Variants in ANKRD36B observed in about 807,000 individuals in gnomAD.
The protein encoded by ANKRD36B is ankyrin repeat domain 36B.
A neutral mutation model predicts 135.7 loss-of-function variants in ANKRD36B; 37 were observed. That is an observed-to-expected ratio of 0.27 (90% confidence interval 0.21 to 0.36). The LOEUF (loss-of-function observed/expected upper bound fraction) is 0.36. Among genes scored for constraint, ANKRD36B ranks in the 10% least tolerant of loss-of-function variants. The probability of loss-of-function intolerance (pLI) is 1.00; values close to 1 mark genes in which losing one functional copy is unlikely to be tolerated. For missense variants in ANKRD36B, 549 were observed against 1,037.1 expected (o/e 0.53, Z 6.46); for synonymous variants, 179 against 348.1 (o/e 0.51, Z 5.41).
At position 97,556,966 on chromosome 2, in the gene ANKRD36B, C is replaced by G; in HGVS notation, c.1040G>C (p.Arg347Thr). The G allele has an allele frequency of 6.3e-7, 1 of 1,590,262 alleles. No individual in the cohort carries two copies. The highest frequency in any genetic ancestry group is 8.6e-7 in the Non-Finnish European group (1 of 1,168,538). Residue 347 changes from arginine to threonine, a missense_variant, in exon 12 of 44, where the codon AGA (arginine) becomes ACA (threonine). Transcript: ENST00000359901. ...KKVSLLNIATRIMGGGKSGTV... is the reference protein window; with the variant it reads ...KKVSLLNIATTIMGGGKSGTV... ...TCCAGATTTCCCACCGCCCATTATTCTTGTGGCAATATTCAAAAGAGAAAC... is the reference window on the plus strand; with the variant it reads ...TCCAGATTTCCCACCGCCCATTATTGTTGTGGCAATATTCAAAAGAGAAAC...
At chr2:97,582,879 T>C (rs2082717572) in intron 3 of ANKRD36B, among the ~76,000 whole-genome samples, 1 of 152,098 alleles carries the variant, frequency 6.6e-6, no homozygotes, top group Non-Finnish European at 1.5e-5. Context: ...TGTTTAATTT[T>C]CCCAGATTGT....
In ANKRD36B at chr2:97,553,263, T is replaced by TAATA. The variant is rs754821531; in HGVS notation, c.1201-27_1201-24dup. The TAATA allele has an allele frequency of 5.9e-4, 946 of 1,598,846 alleles. 16 individuals are homozygous for TAATA. In the East Asian group the frequency reaches 0.013, roughly 22 times the overall value. ...AGCCTGAATGGAATTTGAAAGAAAA[T>TAATA]AATAAATAAATAAATAAATGAAGTA... On this transcript the variant is annotated intron_variant, in intron 15 of 43. Coordinates refer to ENST00000359901, the MANE Select transcript of ANKRD36B (RefSeq NM_001393939.1).
At position 97,547,539 on chromosome 2, in the gene ANKRD36B, T is replaced by C. The variant is rs755804433; in HGVS notation, c.1576A>G (p.Arg526Gly). Residue 526 changes from arginine to glycine, a missense_variant, in exon 22 of 44, where the codon AGA becomes GGA. By Grantham distance (125) the Arg-to-Gly change is moderately radical. Transcript: ENST00000359901. ...TTAAATCTCTTTTCAAAATTACCTC[T>C]CCTAGTTTTTTCTCCATCTTTTTTT... ...RGKKDGEKTRRVSSHKQPSLK... is the reference protein window; with the variant it reads ...RGKKDGEKTRGVSSHKQPSLK... 84 of 1,539,772 alleles carry C rather than the reference T, an allele frequency of 5.5e-5. 1 individual carries two copies. Among genetic ancestry groups the C allele is most frequent in the Non-Finnish European group, 7.3e-5 (82 of 1,126,944 alleles).
chr2:97,588,109 C>T (rs62152977), intron 1 of ANKRD36B, among the ~76,000 whole-genome samples: 86,008 of 150,666 alleles, frequency 0.57, 25,858 homozygotes, highest in Non-Finnish European at 0.67. Flanking sequence ...TATAAACATG[C>T]ATCAATATAA....
chr2:97,551,034 A>C (rs2080005816), intron 18 of ANKRD36B, among the ~76,000 whole-genome samples: 1 of 151,888 alleles, frequency 6.6e-6, no homozygotes, highest in Non-Finnish European at 1.5e-5. Context: ...GCTGTGCCCC[A>C]GAGCCCCTTA....
rs760771087 is a variant in ANKRD36B, at chr2:97,551,437, TG to T, written c.1302+14del. On this transcript the variant is annotated intron_variant, in intron 17 of 43. Coordinates refer to ENST00000359901, the MANE Select transcript of ANKRD36B (RefSeq NM_001393939.1). Reference sequence around the variant, plus strand: ...TACGTTTACTAGCTCACAATATAAATGAGAGTTTCATTACCTTCAAGGCTGG... The same window carrying T: ...TACGTTTACTAGCTCACAATATAAATAGAGTTTCATTACCTTCAAGGCTGG... The T allele has an allele frequency of 1.2e-6, 2 of 1,606,660 alleles. No individual in the cohort carries two copies. Among genetic ancestry groups the T allele is most frequent in the Admixed American group, 3.3e-5 (2 of 59,810 alleles).
chr2:97,556,743 A>G (rs2080564028), intron 12 of ANKRD36B, among the ~76,000 whole-genome samples, 194 bp downstream of exon 12: 1 of 151,890 alleles, frequency 6.6e-6, no homozygotes. Context: ...AGGGAACTCT[A>G]TAAGCTTGTT....
intron 16 of ANKRD36B, among the ~76,000 whole-genome samples, chr2:97,552,478 T>G (rs180811586): frequency 1.3e-4 from 20 of 151,926 alleles, no homozygotes; most frequent in Non-Finnish European, 2.5e-4. Context: ...AACATGTATC[T>G]CTGATGCCTA....
At chr2:97,578,858 T>A in intron 5 of ANKRD36B, 48 bp downstream of exon 5, 1 of 1,589,286 alleles carries the variant, frequency 6.3e-7, no homozygotes, top group Middle Eastern at 1.7e-4. Flanking sequence ...TTACAATTAT[T>A]TTAAACTTCA....
At position 97,541,141 on chromosome 2, in the gene ANKRD36B, A is replaced by G. The variant is rs1426286830; in HGVS notation, c.1885+770T>C. On this transcript the variant is annotated intron_variant, in intron 28 of 43. Transcript: ENST00000359901. The stretch of plus-strand genomic sequence containing the variant: ...GTTTCATCCAATAGCTATTTTACCC[A>G]AGAGTTAGCTCCTTGAACAACGAAG... Among the ~76,000 whole-genome samples, 4 of 96,564 alleles carry G rather than the reference A, an allele frequency of 4.1e-5. 2 individuals carry two copies. The highest frequency in any genetic ancestry group is 1.1e-4 in the Non-Finnish European group (4 of 36,132). 63.3% of individuals were successfully genotyped at this position (96,564 alleles called of 152,430 possible). A position where few individuals can be genotyped will look rare whatever the true frequency, so the allele number is the denominator to read the frequency against.
chr2:97,552,265 A>C (rs192180679), intron 16 of ANKRD36B, among the ~76,000 whole-genome samples: 3 of 152,098 alleles, frequency 2.0e-5, no homozygotes, highest in African/African-American at 7.2e-5. Context: ...AATCACTGCA[A>C]TATTCATTGA....
chr2:97,569,458 G>A (rs887537097), intron 6 of ANKRD36B, among the ~76,000 whole-genome samples: 4 of 152,278 alleles, frequency 2.6e-5, no homozygotes, highest in South Asian at 2.1e-4. Context: ...TCAGGGCAGT[G>A]TAAGTATTCT....
intron 8 of ANKRD36B, among the ~76,000 whole-genome samples, chr2:97,560,154 A>C (rs2080890076): frequency 1.3e-5 from 2 of 151,784 alleles, no homozygotes; most frequent in Admixed American, 1.3e-4. Flanking sequence ...AGAAAACCCA[A>C]AATTACATAA....
At chr2:97,581,773 A>G (rs149231955) in intron 3 of ANKRD36B, among the ~76,000 whole-genome samples, 10,829 of 152,180 alleles carry the variant, frequency 0.071, 987 homozygotes, top group African/African-American at 0.21. Context: ...CATAATGAAA[A>G]CCACTAAATT....
intron 22 of ANKRD36B, 95 bp from the exon 23 acceptor site, chr2:97,545,956 G>C (rs1304237187): frequency 2.2e-6 from 2 of 929,474 alleles, no homozygotes; most frequent in Non-Finnish European, 3.4e-6. Context: ...CTGTCCTCCT[G>C]CCTGTAATAG....
At chr2:97,538,106 G>C in intron 32 of ANKRD36B, 62 bp downstream of exon 32, 1 of 916,678 alleles carries the variant, frequency 1.1e-6, no homozygotes. Flanking sequence ...GATCTATTCA[G>C]GGGTGGGACG....
chr2:97,561,879 G>A (rs1435160731), intron 6 of ANKRD36B, among the ~76,000 whole-genome samples: 6 of 151,798 alleles, frequency 4.0e-5, no homozygotes, highest in East Asian at 3.9e-4. Flanking sequence ...GTAACAAAGA[G>A]GAGCAATGAG....
intron 43 of ANKRD36B, among the ~76,000 whole-genome samples, chr2:97,495,936 A>T (rs2077297207): frequency 9.3e-6 from 1 of 107,292 alleles, no homozygotes; most frequent in Non-Finnish European, 2.6e-5. Flanking sequence ...AAGCCACATT[A>T]GCCCCCATGA....
chr2:97,561,477 C>T (rs911699423), intron 6 of ANKRD36B, among the ~76,000 whole-genome samples: 2 of 151,882 alleles, frequency 1.3e-5, no homozygotes, highest in Admixed American at 1.3e-4. Context: ...TCTCTTGTAT[C>T]TTCTAGTTTA....
Sources: gnomAD v4.1 joint callset for allele counts (sites outside exome capture counted in the v4.1 genomes callset) on GRCh38, gnomAD v4.1.1 for gene constraint, MANE v1.5 for transcripts, NCBI Gene and HGNC (gene_info 2026-07-23, HGNC 2026-07-21) for gene names.